The following PPARGC1A variants were observed in gnomAD, a reference collection of about 807,000 sequenced individuals.
PPARGC1A encodes peroxisome proliferator-activated receptor gamma coactivator 1-alpha.
In PPARGC1A, 25 loss-of-function variants were observed where a neutral mutation model predicts 88.7. That is an observed-to-expected ratio of 0.28 (90% CI 0.21 to 0.39). The LOEUF is 0.39. PPARGC1A is among the 10% of genes least tolerant of loss of function. The pLI is 1.00. For synonymous variants in PPARGC1A, 363 were observed against 355.6 expected, an observed-to-expected ratio of 1.02 and a Z score of -0.24; for missense variants, 880 against 968.7, an observed-to-expected ratio of 0.91 and a Z score of 1.22.
chr4:24,216,296 C>T, the PPARGC1A span, among the ~76,000 whole-genome samples: 1 of 151,928 alleles, frequency 6.6e-6, no homozygotes, highest in African/African-American at 2.4e-5. Flanking sequence ...TACAGGCATG[C>T]ACCACCATGC....
At chr4:23,990,718 G>A in the PPARGC1A span, among the ~76,000 whole-genome samples, 122 of 152,064 alleles carry the variant, frequency 8.0e-4, no homozygotes, top group Middle Eastern at 3.4e-3. Flanking sequence ...TCACTAACTC[G>A]GAGGCGATGA....
At chr4:23,907,853 T>A (rs1264165223), upstream of PPARGC1A, among the ~76,000 whole-genome samples, 1 of 152,172 alleles carries the variant, frequency 6.6e-6, no homozygotes, top group South Asian at 2.1e-4. Context: ...TCCCATGAAG[T>A]GGGCGTTGGG....
the PPARGC1A span, among the ~76,000 whole-genome samples, chr4:24,060,767 A>C: frequency 6.6e-6 from 1 of 152,316 alleles, no homozygotes; most frequent in South Asian, 2.1e-4. Context: ...CCTTTCTTGG[A>C]AATCCTTTAT....
chr4:24,095,569 GGA>G, the PPARGC1A span, among the ~76,000 whole-genome samples: 1 of 152,082 alleles, frequency 6.6e-6, no homozygotes, highest in African/African-American at 2.4e-5. Context: ...ATGAGGGTAA[GGA>G]CAGATTCAGG....
chr4:24,260,032 A>C, the PPARGC1A span, among the ~76,000 whole-genome samples: 1 of 151,710 alleles, frequency 6.6e-6, no homozygotes, highest in African/African-American at 2.4e-5. Context: ...TTTGTTTCTC[A>C]AGAGTAAAAT....
chr4:24,401,015 C>CTT, the PPARGC1A span, among the ~76,000 whole-genome samples: 20,317 of 99,720 alleles, frequency 0.2, 3,881 homozygotes, highest in Middle Eastern at 0.35. Flanking sequence ...CCTGAATTTT[C>CTT]TTTTTTTTTT....
chr4:23,913,257 TATATATATATAG>T, the PPARGC1A span, among the ~76,000 whole-genome samples: 1 of 46,104 alleles, frequency 2.2e-5, no homozygotes, highest in Non-Finnish European at 4.2e-5. Flanking sequence ...TATATATATA[TATATATATATAG>T]AGAGAGAGAG....
the PPARGC1A span, among the ~76,000 whole-genome samples, chr4:24,020,844 C>T: frequency 5.3e-5 from 8 of 152,160 alleles, no homozygotes; most frequent in Admixed American, 3.9e-4. Context: ...GTACTTTGTA[C>T]TTTTCTTCGT....
the PPARGC1A span, among the ~76,000 whole-genome samples, chr4:24,268,595 C>G: frequency 6.6e-6 from 1 of 152,244 alleles, no homozygotes; most frequent in Non-Finnish European, 1.5e-5. Context: ...AAGAGGACCT[C>G]AGAGAGAACA....
the PPARGC1A span, among the ~76,000 whole-genome samples, chr4:24,459,587 C>T: frequency 1.2e-4 from 18 of 152,096 alleles, no homozygotes; most frequent in South Asian, 2.1e-4. Context: ...CTCAGGAGTT[C>T]GAGACCAGCC....
the PPARGC1A span, among the ~76,000 whole-genome samples, chr4:24,190,569 T>C: frequency 5.5e-4 from 84 of 152,276 alleles, no homozygotes; most frequent in African/African-American, 1.9e-3. Context: ...TATTATTTCC[T>C]GAATCCCCAC....
intron 10 of PPARGC1A, among the ~76,000 whole-genome samples, chr4:23,811,080 T>C (rs994486154): frequency 1.1e-4 from 17 of 152,216 alleles, no homozygotes; most frequent in Admixed American, 9.8e-4. Context: ...CAGTCTTAGG[T>C]AGATTCAAAG....
At chr4:24,448,629 C>G in the PPARGC1A span, among the ~76,000 whole-genome samples, 5 of 152,184 alleles carry the variant, frequency 3.3e-5, no homozygotes, top group East Asian at 9.6e-4. Flanking sequence ...GCCTCGAACT[C>G]TCCCAGCTGT....
chr4:24,169,120 C>G, the PPARGC1A span, among the ~76,000 whole-genome samples: 4 of 152,144 alleles, frequency 2.6e-5, no homozygotes, highest in African/African-American at 4.8e-5. Context: ...AAAAATGGCA[C>G]TTTACTTTTG....
the PPARGC1A span, among the ~76,000 whole-genome samples, chr4:23,934,440 C>A: frequency 1.3e-5 from 2 of 152,272 alleles, no homozygotes; most frequent in Admixed American, 1.3e-4. Context: ...CCGCAACCAC[C>A]CCCTGCAGAC....
At chr4:23,996,387 T>G in the PPARGC1A span, among the ~76,000 whole-genome samples, 1 of 152,006 alleles carries the variant, frequency 6.6e-6, no homozygotes. Flanking sequence ...TATCCATTCG[T>G]CTTACCTTCT....
chr4:24,209,165 T>C, the PPARGC1A span, among the ~76,000 whole-genome samples: 6 of 152,308 alleles, frequency 3.9e-5, no homozygotes, highest in Admixed American at 1.3e-4. Context: ...ACTGAACAGC[T>C]AGACCTCCGT....
the PPARGC1A span, among the ~76,000 whole-genome samples, chr4:24,233,811 T>A: frequency 2.6e-5 from 4 of 151,996 alleles, no homozygotes; most frequent in Non-Finnish European, 4.4e-5. Context: ...GTTAAAGCGC[T>A]TACAAGGCAA....
chr4:24,234,062 CAA>C, the PPARGC1A span, among the ~76,000 whole-genome samples: 2 of 152,294 alleles, frequency 1.3e-5, no homozygotes, highest in Non-Finnish European at 2.9e-5. Flanking sequence ...ATGTGCTGTG[CAA>C]ATCCAGTGCG....
Sources: gnomAD v4.1 joint callset for allele counts (sites outside exome capture counted in the v4.1 genomes callset) on GRCh38, gnomAD v4.1.1 for gene constraint, MANE v1.5 for transcripts, NCBI Gene and HGNC (gene_info 2026-07-23, HGNC 2026-07-21) for gene names.